TRUB1: variants seen among roughly 807,000 people sequenced by gnomAD.
The protein encoded by TRUB1 is TruB pseudouridine synthase family member 1.
TRUB1 carries 23 observed loss-of-function variants against 33.9 expected under a neutral mutation model. That is an observed-to-expected ratio of 0.68 (90% CI 0.49 to 0.96). The LOEUF is 0.96. Ranked by LOEUF, TRUB1 falls within the 40% of genes least tolerant of loss-of-function variation. The probability of loss-of-function intolerance (pLI) is 0.00; values close to 1 mark genes in which losing one functional copy is unlikely to be tolerated. For missense variants in TRUB1, 378 were observed against 422.2 expected (o/e 0.90, Z 0.92); for synonymous variants, 163 against 165.4 (o/e 0.99, Z 0.11).
intron 2 of TRUB1, among the ~76,000 whole-genome samples, chr10:114,949,428 A>G (rs1323096662): frequency 1.3e-5 from 2 of 152,198 alleles, no homozygotes; most frequent in African/African-American, 2.4e-5. Context: ...CTTGAACTAT[A>G]TGACTTAGAA....
Position 114,938,342 on chromosome 10 carries a change from CAATGGCTGCGA to C in TRUB1, c.90_100del (p.Met31ProfsTer126). ...CTTGAAACTGCAGGAACGGTCGCAGCAATGGCTGCGACCCCGTCAGCAAGGGCTGCAGCCGC... is the reference window on the plus strand; with the variant it reads ...CTTGAAACTGCAGGAACGGTCGCAGCCCCCGTCAGCAAGGGCTGCAGCCGC... On this transcript the variant is annotated frameshift_variant, in exon 1 of 8. Transcript: ENST00000298746. LOFTEE classifies it high-confidence loss of function. 1 of 1,608,642 alleles carries C rather than the reference CAATGGCTGCGA, an allele frequency of 6.2e-7. No homozygotes were observed. Among genetic ancestry groups the C allele is most frequent in the South Asian group, 1.1e-5 (1 of 90,584 alleles).
At chr10:114,950,325 A>G (rs1332161217) in intron 2 of TRUB1, among the ~76,000 whole-genome samples, 1 of 152,206 alleles carries the variant, frequency 6.6e-6, no homozygotes, top group Non-Finnish European at 1.5e-5. Context: ...TAGTTTGCCA[A>G]TCAGTAGTCC....
In TRUB1 at chr10:114,975,331, A is replaced by G. The variant is rs748339145; in HGVS notation, c.1002A>G (p.Ile334Met). The change falls in exon 8 of 8, where the codon ATA becomes ATG. Residue 334 changes from isoleucine (I) to methionine (M), a missense_variant. Transcript: ENST00000298746. ...AACAGGTTTTGAGCTGTGAATATATAACTCTAAATGAGCCAAAGAGAGAAG... is the reference window on the plus strand; with the variant it reads ...AACAGGTTTTGAGCTGTGAATATATGACTCTAAATGAGCCAAAGAGAGAAG... The part of the protein sequence containing the change: ...SNEQVLSCEY[I>M]TLNEPKREDD... 3 of 1,610,566 alleles carry G rather than the reference A, an allele frequency of 1.9e-6. No homozygotes were observed. The highest frequency in any genetic ancestry group is 1.1e-5 in the South Asian group (1 of 90,624).
chr10:114,970,582 G>A (rs991526038), intron 5 of TRUB1, 142 bp downstream of exon 5: 2 of 668,078 alleles, frequency 3.0e-6, no homozygotes, highest in Non-Finnish European at 5.3e-6. Context: ...TAAAGTGAAG[G>A]TGAGACAGGA....
Position 114,938,514 on chromosome 10 carries a change from T to A in TRUB1, c.261T>A (p.Asn87Lys), listed in dbSNP as rs1564696115. 4 of 1,557,128 alleles carry A rather than the reference T, an allele frequency of 2.6e-6. No individual in the cohort carries two copies. Among genetic ancestry groups the A allele is most frequent in the Non-Finnish European group, 3.5e-6 (4 of 1,155,210 alleles). The change falls in exon 1 of 8, where the codon AAT becomes AAA. Residue 87 changes from asparagine (N) to lysine (K), a missense_variant. Coordinates refer to ENST00000298746, the MANE Select transcript of TRUB1 (RefSeq NM_139169.5). ...GGCCCACTTCAGCCGAGCTGCTGAATCGGTTGAAGGAGAAGCTGCTGGCAG... is the reference window on the plus strand; with the variant it reads ...GGCCCACTTCAGCCGAGCTGCTGAAACGGTTGAAGGAGAAGCTGCTGGCAG... The part of the protein sequence containing the change: ...PKGPTSAELL[N>K]RLKEKLLAEA...
In TRUB1 at chr10:114,976,539, A is replaced by G. The variant is rs1413161548; in HGVS notation, c.*1160A>G. On this transcript the variant is annotated 3_prime_UTR_variant, in exon 8 of 8. Transcript: ENST00000298746. The stretch of plus-strand genomic sequence containing the variant: ...TTCAGATCCCTCTTCCTTTACTCAA[A>G]TACAGTTTCAAAAGGAAGACTCATG... 6.6e-6 allele frequency: 1 copy of G among 152,166 alleles called. No individual in the cohort carries two copies. Among genetic ancestry groups the G allele is most frequent in the Admixed American group, 6.5e-5 (1 of 15,268 alleles). 9.4% of individuals were successfully genotyped at this position (152,166 alleles called of 1,614,324 possible).
At chr10:114,943,522 T>G (rs2084198342) in intron 2 of TRUB1, among the ~76,000 whole-genome samples, 1 of 146,814 alleles carries the variant, frequency 6.8e-6, no homozygotes. Flanking sequence ...AGAGGGAGAC[T>G]GTCTCAAAAC....
intron 1 of TRUB1, 106 bp downstream of exon 1, chr10:114,938,645 G>T: frequency 7.9e-7 from 1 of 1,259,608 alleles, no homozygotes; most frequent in South Asian, 1.7e-5. Context: ...GGAGGGGAAA[G>T]GGAGACTGAC....
rs545373105 is a variant in TRUB1 at position 114,949,975 on chromosome 10, C to T, written c.386-1119C>T. Reference sequence around the variant, plus strand: ...GTGCAATGGTGTGATCTTGGCTCACCGCAACCTCTGCCTCTTGGGTTCAAG... The same window carrying T: ...GTGCAATGGTGTGATCTTGGCTCACTGCAACCTCTGCCTCTTGGGTTCAAG... On this transcript the variant is annotated intron_variant, in intron 2 of 7. Coordinates refer to ENST00000298746, the MANE Select transcript of TRUB1 (RefSeq NM_139169.5). Among the ~76,000 whole-genome samples the T allele has an allele frequency of 8.0e-5, 12 of 150,848 alleles. No individual in the cohort carries two copies. In the South Asian group the frequency reaches 1.9e-3, roughly 24 times the overall value.
intron 4 of TRUB1, among the ~76,000 whole-genome samples, chr10:114,962,468 A>C (rs1037846048): frequency 6.6e-6 from 1 of 152,250 alleles, no homozygotes; most frequent in African/African-American, 2.4e-5. Flanking sequence ...AACAGTTAAA[A>C]ATAGTATTTG....
chr10:114,951,068 A>G (rs759376702), intron 2 of TRUB1, 26 bp from the exon 3 acceptor site: 10 of 1,602,842 alleles, frequency 6.2e-6, no homozygotes, highest in South Asian at 4.4e-5. Context: ...ACAGAGTGTC[A>G]TAATATTTCT....
chr10:114,970,280 A>T, intron 4 of TRUB1, 88 bp from the exon 5 acceptor site: 1 of 914,974 alleles, frequency 1.1e-6, no homozygotes. Context: ...AAAAAGTTTT[A>T]AATGAATTTT....
intron 3 of TRUB1, 28 bp from the exon 4 acceptor site, chr10:114,959,698 A>G (rs372390765): frequency 2.5e-5 from 38 of 1,524,682 alleles, no homozygotes; most frequent in Admixed American, 5.0e-5. Flanking sequence ...CTCACGGCCC[A>G]TTTTCTCTCT....
At chr10:114,961,465 A>G (rs2084284971) in intron 4 of TRUB1, among the ~76,000 whole-genome samples, 2 of 152,318 alleles carry the variant, frequency 1.3e-5, no homozygotes, top group South Asian at 4.1e-4. Flanking sequence ...AGGGTGACAA[A>G]AATACTTAAA....
intron 2 of TRUB1, among the ~76,000 whole-genome samples, chr10:114,946,215 C>T (rs1186716735): frequency 2.6e-5 from 4 of 152,156 alleles, no homozygotes; most frequent in Non-Finnish European, 4.4e-5. Flanking sequence ...GTGTCTTCAT[C>T]TCTTAAAAGA....
intron 3 of TRUB1, among the ~76,000 whole-genome samples, chr10:114,952,826 A>G: frequency 6.6e-6 from 1 of 152,184 alleles, no homozygotes; most frequent in East Asian, 1.9e-4. Context: ...TGTTTCTGAT[A>G]CTGGTTTTTG....
intron 3 of TRUB1, among the ~76,000 whole-genome samples, chr10:114,957,620 A>G (rs1362900624): frequency 1.3e-5 from 2 of 152,200 alleles, no homozygotes; most frequent in South Asian, 4.1e-4. Context: ...TGAAAGCTGA[A>G]TAAGGTTTGA....
intron 6 of TRUB1, among the ~76,000 whole-genome samples, chr10:114,973,057 A>C (rs2084344180): frequency 6.6e-6 from 1 of 152,120 alleles, no homozygotes; most frequent in Admixed American, 6.6e-5. Flanking sequence ...TAATGTCCCC[A>C]AATCTTTTAA....
Position 114,972,130 on chromosome 10 carries a change from A to G in TRUB1, c.597-5A>G. ...CTTCCATTTCTCCTTCTCTCATCTCACAAGCTATTCTGCATTAAAGAAAGA... is the reference window on the plus strand; with the variant it reads ...CTTCCATTTCTCCTTCTCTCATCTCGCAAGCTATTCTGCATTAAAGAAAGA... On this transcript the variant is annotated splice_region_variant and splice_polypyrimidine_tract_variant and intron_variant, in intron 5 of 7. Coordinates refer to ENST00000298746, the MANE Select transcript of TRUB1 (RefSeq NM_139169.5). 1 of 1,612,146 alleles carries G rather than the reference A, an allele frequency of 6.2e-7. No individual in the cohort carries two copies. Among genetic ancestry groups the G allele is most frequent in the Non-Finnish European group, 8.5e-7 (1 of 1,179,400 alleles).
Sources: gnomAD v4.1 joint callset for allele counts (sites outside exome capture counted in the v4.1 genomes callset) on GRCh38, gnomAD v4.1.1 for gene constraint, MANE v1.5 for transcripts, NCBI Gene and HGNC (gene_info 2026-07-23, HGNC 2026-07-21) for gene names.